Variants in SLC26A9 observed in about 807,000 individuals in gnomAD.
SLC26A9 encodes anion transporter/exchanger protein 9.
Under a neutral mutation model 87.1 loss-of-function variants are expected in SLC26A9, and 46 were observed. The ratio of observed to expected loss-of-function variants is 0.53; its 90% CI spans 0.42 to 0.67. The LOEUF (loss-of-function observed/expected upper bound fraction) is 0.67. SLC26A9 is among the 30% of genes least tolerant of loss of function. The probability of loss-of-function intolerance (pLI) is 0.00; values close to 1 mark genes in which losing one functional copy is unlikely to be tolerated. For synonymous variants in SLC26A9, 437 were observed against 409.1 expected (o/e 1.07, Z -0.82); for missense variants, 927 against 1,018.3 (o/e 0.91, Z 1.22).
chr1:205,920,353 C>G, intron 17 of SLC26A9, 123 bp from the exon 18 acceptor site: 1 of 1,072,904 alleles, frequency 9.3e-7, no homozygotes, highest in Non-Finnish European at 1.4e-6. Context: ...GAGAGCCCAG[C>G]AGCCAAAGAC....
At chr1:205,937,482 A>T (rs1315435756) in intron 1 of SLC26A9, among the ~76,000 whole-genome samples, 1 of 152,232 alleles carries the variant, frequency 6.6e-6, no homozygotes, top group Non-Finnish European at 1.5e-5. Context: ...ACCTGGGTTC[A>T]AAGATTCAGT....
intron 12 of SLC26A9, among the ~76,000 whole-genome samples, chr1:205,925,757 A>G (rs1371815799): frequency 6.6e-6 from 1 of 152,174 alleles, no homozygotes; most frequent in African/African-American, 2.4e-5. Context: ...TTACTTAACC[A>G]TTCTGAGCCT....
chr1:205,923,229 C>A (rs1658917172), intron 15 of SLC26A9, 34 bp from the exon 16 acceptor site: 1 of 1,611,980 alleles, frequency 6.2e-7, no homozygotes, highest in African/African-American at 1.3e-5. Flanking sequence ...ATCTTGACCT[C>A]CACCCTCTAT....
rs1387653578 is a variant in SLC26A9 at position 205,921,632 on chromosome 1, G to A, written c.1989C>T (p.His663=). The A allele has an allele frequency of 4.3e-6, 7 of 1,611,140 alleles. No individual in the cohort carries two copies. The South Asian group carries it at 7.7e-5, about 18-fold the overall frequency. The change falls in exon 17 of 21, where the codon CAC becomes CAT. Residue 663 remains histidine, a synonymous_variant. Coordinates refer to ENST00000367135, the MANE Select transcript of SLC26A9 (RefSeq NM_052934.4). The part of the protein sequence containing the change: ...LASVPPFVTF[H]TLILDMSGVS... ...CTCCACTCATGTCCAGGATGAGGGTGTGGAAGGTGACGAAGGGTGGGACGC... is the reference window on the plus strand; with the variant it reads ...CTCCACTCATGTCCAGGATGAGGGTATGGAAGGTGACGAAGGGTGGGACGC...
intron 1 of SLC26A9, among the ~76,000 whole-genome samples, chr1:205,939,849 T>G (rs531043696): frequency 1.3e-5 from 2 of 152,076 alleles, no homozygotes; most frequent in African/African-American, 4.8e-5. Context: ...CCATGATAAG[T>G]GATGTCAGCA....
intron 20 of SLC26A9, among the ~76,000 whole-genome samples, chr1:205,915,654 T>G (rs2102567777): frequency 6.6e-6 from 1 of 152,182 alleles, no homozygotes; most frequent in African/African-American, 2.4e-5. Flanking sequence ...ACCTCCTGTG[T>G]GCTGTGTGAC....
At chr1:205,932,677 C>A in intron 4 of SLC26A9, 25 bp downstream of exon 4, 1 of 1,522,046 alleles carries the variant, frequency 6.6e-7, no homozygotes, top group Admixed American at 2.2e-5. Context: ...GGTCATCCTG[C>A]CTGCCCAGAG....
chr1:205,942,086 A>G (rs1205881748), intron 1 of SLC26A9, among the ~76,000 whole-genome samples: 1 of 152,250 alleles, frequency 6.6e-6, no homozygotes, highest in East Asian at 1.9e-4. Context: ...CACGGGGGTC[A>G]GTCTGGCTGT....
At position 205,915,066 on chromosome 1, in the gene SLC26A9, T is replaced by G; in HGVS notation, c.*291A>C. Reference sequence around the variant, plus strand: ...CTGCCAAGGACAGGGCAGAGGTGGGTGGGGTGGAGTGAGCAGGAGGCTTGT... The same window carrying G: ...CTGCCAAGGACAGGGCAGAGGTGGGGGGGGTGGAGTGAGCAGGAGGCTTGT... On this transcript the variant is annotated 3_prime_UTR_variant, in exon 21 of 21. Coordinates refer to ENST00000367135, the MANE Select transcript of SLC26A9 (RefSeq NM_052934.4). 6.2e-7 allele frequency: 1 copy of G among 1,613,758 alleles called. No individual in the cohort carries two copies. Among genetic ancestry groups the G allele is most frequent in the Non-Finnish European group, 8.5e-7 (1 of 1,179,936 alleles).
rs1658517660 is a variant in SLC26A9 at position 205,915,002 on chromosome 1, G to A, written c.*355C>T. ...CAGTTGTACTTGTCCTTCTGTTTTT[G>A]GCTCACTCGTAAAAGCTGGAAGTCA... On this transcript the variant is annotated 3_prime_UTR_variant, in exon 21 of 21. Coordinates refer to ENST00000367135, the MANE Select transcript of SLC26A9 (RefSeq NM_052934.4). 17 of 1,614,144 alleles carry A rather than the reference G, an allele frequency of 1.1e-5. No homozygotes were observed. Among genetic ancestry groups the A allele is most frequent in the Non-Finnish European group, 1.4e-5 (17 of 1,180,034 alleles).
intron 16 of SLC26A9, among the ~76,000 whole-genome samples, chr1:205,922,638 C>G (rs566240707): frequency 6.6e-6 from 1 of 152,358 alleles, no homozygotes; most frequent in South Asian, 2.1e-4. Context: ...CGCAGTGGCT[C>G]AGGCTTGTAA....
intron 20 of SLC26A9, among the ~76,000 whole-genome samples, chr1:205,915,781 C>A (rs1357404391): frequency 2.0e-5 from 3 of 152,118 alleles, no homozygotes; most frequent in Non-Finnish European, 4.4e-5. Flanking sequence ...TTGGTCCTAT[C>A]CAGGCTTTTT....
chr1:205,930,664 C>T (rs957121012), intron 5 of SLC26A9, among the ~76,000 whole-genome samples: 2 of 152,196 alleles, frequency 1.3e-5, no homozygotes, highest in Non-Finnish European at 2.9e-5. Flanking sequence ...CTCCTGCCTA[C>T]TTTTCCATCC....
chr1:205,924,741 G>T, intron 12 of SLC26A9: 1 of 447,650 alleles, frequency 2.2e-6, no homozygotes, highest in South Asian at 2.7e-5. Context: ...CACACAGGGA[G>T]GTGGCATCTA....
chr1:205,926,469 C>T, intron 12 of SLC26A9, 66 bp downstream of exon 12: 1 of 1,322,796 alleles, frequency 7.6e-7, no homozygotes, highest in Non-Finnish European at 1.1e-6. Context: ...ACAGGGCTGA[C>T]AGGGCTGTGG....
rs777928390 is a variant in SLC26A9 at position 205,915,288 on chromosome 1, C to T, written c.*69G>A. 2 of 1,610,494 alleles carry T rather than the reference C, an allele frequency of 1.2e-6. No individual in the cohort carries two copies. The highest frequency in any genetic ancestry group is 1.1e-5 in the South Asian group (1 of 90,398). On this transcript the variant is annotated 3_prime_UTR_variant, in exon 21 of 21. Coordinates refer to ENST00000367135, the MANE Select transcript of SLC26A9 (RefSeq NM_052934.4). ...CTCCGCCCGACACCCCCTGTGACCC[C>T]AGGCTCATCCTTTATGGAAGTCCCA...
chr1:205,924,520 TG>T, intron 12 of SLC26A9, 31 bp from the exon 13 acceptor site: 1 of 1,607,324 alleles, frequency 6.2e-7, no homozygotes, highest in Non-Finnish European at 8.5e-7. Context: ...AAAGCAGACC[TG>T]GGGAAAAAAC....
At chr1:205,938,842 T>G (rs988809441) in intron 1 of SLC26A9, among the ~76,000 whole-genome samples, 1 of 152,198 alleles carries the variant, frequency 6.6e-6, no homozygotes, top group South Asian at 2.1e-4. Context: ...ACACTAGTGT[T>G]GGCTTTGGCC....
At chr1:205,936,468 C>G (rs1159172059) in intron 1 of SLC26A9, among the ~76,000 whole-genome samples, 1 of 152,176 alleles carries the variant, frequency 6.6e-6, no homozygotes, top group Non-Finnish European at 1.5e-5. Flanking sequence ...TGTGCCTAAT[C>G]TTTCCCCCAC....
Sources: gnomAD v4.1 joint callset for allele counts (sites outside exome capture counted in the v4.1 genomes callset) on GRCh38, gnomAD v4.1.1 for gene constraint, MANE v1.5 for transcripts, NCBI Gene and HGNC (gene_info 2026-07-23, HGNC 2026-07-21) for gene names.